PCDHGA1: variants seen among roughly 807,000 people sequenced by gnomAD.
The protein encoded by PCDHGA1 is protocadherin gamma subfamily A, 1.
Under a neutral mutation model 58.0 loss-of-function variants are expected in PCDHGA1, and 32 were observed. That is an observed-to-expected ratio of 0.55 (90% CI 0.42 to 0.74). PCDHGA1 has a LOEUF of 0.74. Ranked by LOEUF, PCDHGA1 falls within the 30% of genes least tolerant of loss-of-function variation. The pLI is 0.00. For synonymous variants in PCDHGA1, 498 were observed against 501.1 expected (o/e 0.99, Z 0.08); for missense variants, 1,205 against 1,182.3 (o/e 1.02, Z -0.28).
At chr5:141,352,445 T>C (rs1759015395) in intron 1 of PCDHGA1, 1 of 1,614,006 alleles carries the variant, frequency 6.2e-7, no homozygotes. Flanking sequence ...CGGTCTCTGC[T>C]CCAAGTCTGG....
At position 141,476,791 on chromosome 5, in the gene PCDHGA1, C is replaced by A. The variant is rs766227340; in HGVS notation, c.2422-18016C>A. 1 of 1,613,512 alleles carries A rather than the reference C, an allele frequency of 6.2e-7. No individual in the cohort carries two copies. Among genetic ancestry groups the A allele is most frequent in the Non-Finnish European group, 8.5e-7 (1 of 1,180,014 alleles). On this transcript the variant is annotated intron_variant, in intron 1 of 3. Transcript: ENST00000517417. This position sits in a 1 kb window ranked among gnomAD's most constrained non-coding sequence, Gnocchi z 7.6. ...TGGACGGAGGGACCCCAGCTCTCTC[C>A]GCCAGCCTGCCTATTCACATCAAGG...
At chr5:141,335,503 G>GA (rs1273733162) in intron 1 of PCDHGA1, among the ~76,000 whole-genome samples, 1 of 152,026 alleles carries the variant, frequency 6.6e-6, no homozygotes, top group Non-Finnish European at 1.5e-5. Context: ...TTCTATTACT[G>GA]AAAAATATAG....
chr5:141,375,377 C>G, intron 1 of PCDHGA1: 1 of 1,613,940 alleles, frequency 6.2e-7, no homozygotes, highest in South Asian at 1.1e-5. Context: ...AACACCACCT[C>G]TGTCTACAGA....
intron 1 of PCDHGA1, chr5:141,479,563 G>A (rs1469231382): frequency 2.6e-5 from 4 of 152,206 alleles, no homozygotes; most frequent in Admixed American, 2.0e-4. Context: ...ATCCAGTAGT[G>A]GGATGACATC....
At chr5:141,443,845 A>C (rs923351698) in intron 1 of PCDHGA1, among the ~76,000 whole-genome samples, 19 of 152,224 alleles carry the variant, frequency 1.2e-4, no homozygotes, top group Admixed American at 5.9e-4. Context: ...GGTAATATGG[A>C]AAGTCTGAAA....
At chr5:141,405,499 A>C in intron 1 of PCDHGA1, 9 of 782,122 alleles carry the variant, frequency 1.2e-5, no homozygotes, top group Non-Finnish European at 1.8e-5. Context: ...GGCTCATTGC[A>C]ACCTCCGCCT....
chr5:141,423,957 T>G, intron 1 of PCDHGA1: 1 of 1,183,084 alleles, frequency 8.5e-7, no homozygotes, highest in Non-Finnish European at 1.1e-6. Context: ...TTTAGTATTA[T>G]TTTTCTATTA....
chr5:141,428,773 T>C (rs1036838681), intron 1 of PCDHGA1: 1 of 154,174 alleles, frequency 6.5e-6, no homozygotes, highest in Admixed American at 6.4e-5. Context: ...CCACTCTTAA[T>C]ATTTCCTGTT....
At chr5:141,455,558 G>A (rs1261373189) in intron 1 of PCDHGA1, among the ~76,000 whole-genome samples, 1 of 152,142 alleles carries the variant, frequency 6.6e-6, no homozygotes, top group East Asian at 1.9e-4. Flanking sequence ...CCGAGAAAAA[G>A]CTGGCCCTCC....
chr5:141,389,411 CG>C, intron 1 of PCDHGA1: 2 of 1,613,568 alleles, frequency 1.2e-6, no homozygotes, highest in South Asian at 2.2e-5. Flanking sequence ...GCGCGGAGAG[CG>C]GGGTGGTGTT....
chr5:141,502,003 G>A (rs945565369), intron 2 of PCDHGA1, among the ~76,000 whole-genome samples: 17 of 151,966 alleles, frequency 1.1e-4, no homozygotes, highest in Admixed American at 1.1e-3. Flanking sequence ...CTGACAACCC[G>A]CATGCTCTCC....
chr5:141,423,078 C>A (rs752144906), intron 1 of PCDHGA1: 1 of 1,613,990 alleles, frequency 6.2e-7, no homozygotes, highest in Admixed American at 1.7e-5. Context: ...AGCCGGGACT[C>A]TTCGCGGTGG....
At chr5:141,361,999 C>A in intron 1 of PCDHGA1, 9 of 1,603,024 alleles carry the variant, frequency 5.6e-6, no homozygotes, top group Non-Finnish European at 5.9e-6. Context: ...CCTGGGGTTG[C>A]GCACGGGTGA....
At position 141,414,686 on chromosome 5, in the gene PCDHGA1, C is replaced by A. The variant is rs201724090; in HGVS notation, c.2422-80121C>A. On this transcript the variant is annotated intron_variant, in intron 1 of 3. Coordinates refer to ENST00000517417, the MANE Select transcript of PCDHGA1 (RefSeq NM_018912.3). ...GCTGAAGACACCATCCAGGGGGTAC[C>A]TCTGTCCTCATACATATCCATCAAC... 57 of 1,613,924 alleles carry A rather than the reference C, an allele frequency of 3.5e-5. No homozygotes were observed. The highest frequency in any genetic ancestry group is 1.6e-4 in the Middle Eastern group (1 of 6,084).
intron 1 of PCDHGA1, among the ~76,000 whole-genome samples, chr5:141,430,398 C>T (rs2097281985): frequency 6.7e-6 from 1 of 150,224 alleles, no homozygotes. Flanking sequence ...AAAAAAAAAG[C>T]TCACTAAAGT....
Position 141,394,580 on chromosome 5 carries a change from C to T in PCDHGA1, c.2421+61475C>T, listed in dbSNP as rs779590383. ...CCGCAGAGCGTGGCTACCTGGTGAC[C>T]AAGGTGGTGGCGGTGGACAGAGACT... On this transcript the variant is annotated intron_variant, in intron 1 of 3. Transcript: ENST00000517417. The T allele has an allele frequency of 1.5e-5, 24 of 1,613,914 alleles. No individual in the cohort carries two copies. The South Asian group carries it at 2.6e-4, about 18-fold the overall frequency.
At chr5:141,416,010 A>T (rs968655183) in intron 1 of PCDHGA1, 5 of 245,908 alleles carry the variant, frequency 2.0e-5, no homozygotes, top group Non-Finnish European at 3.0e-5. Flanking sequence ...TGGTAAGAAT[A>T]GGTAAGTATC....
intron 1 of PCDHGA1, chr5:141,408,814 A>G (rs1473137465): frequency 6.8e-6 from 11 of 1,613,456 alleles, no homozygotes; most frequent in Non-Finnish European, 8.5e-6. Context: ...ACCGGGAAGA[A>G]CAGAGATCTC....
chr5:141,448,704 G>A (rs1272148301), intron 1 of PCDHGA1, among the ~76,000 whole-genome samples: 1 of 152,134 alleles, frequency 6.6e-6, no homozygotes. Flanking sequence ...ACTTTGGGAG[G>A]CCGAGGCGGG....
Sources: gnomAD v4.1 joint callset for allele counts (sites outside exome capture counted in the v4.1 genomes callset) on GRCh38, gnomAD v4.1.1 for gene constraint, Gnocchi (gnomAD v3.1) non-coding constraint, MANE v1.5 for transcripts, NCBI Gene and HGNC (gene_info 2026-07-23, HGNC 2026-07-21) for gene names.